MDFIC: variants seen among roughly 807,000 people sequenced by gnomAD.
MDFIC encodes the protein MyoD family inhibitor domain containing.
MDFIC carries 17 observed loss-of-function variants against 23.2 expected under a neutral mutation model. The ratio of observed to expected loss-of-function variants is 0.73; its 90% CI spans 0.50 to 1.10. The LOEUF (loss-of-function observed/expected upper bound fraction) is 1.10. MDFIC is among the 50% of genes least tolerant of loss of function. The pLI is 0.00. For missense variants in MDFIC, 356 were observed against 316.6 expected, an observed-to-expected ratio of 1.12 and a Z score of -0.95; for synonymous variants, 120 against 115.2, an observed-to-expected ratio of 1.04 and a Z score of -0.27.
intron 2 of MDFIC, among the ~76,000 whole-genome samples, chr7:114,924,134 CA>C (rs1792144058): frequency 6.6e-6 from 1 of 152,176 alleles, no homozygotes; most frequent in Non-Finnish European, 1.5e-5. Flanking sequence ...TTACATTTAT[CA>C]TTATTTTTTG....
intron 4 of MDFIC, among the ~76,000 whole-genome samples, chr7:114,993,136 T>C (rs71418264): frequency 6.6e-6 from 1 of 152,166 alleles, no homozygotes; most frequent in African/African-American, 2.4e-5. Flanking sequence ...AGTTTATTTG[T>C]GTAGAGGTGT....
At chr7:114,993,315 T>C (rs1397353098) in intron 4 of MDFIC, among the ~76,000 whole-genome samples, 4 of 152,194 alleles carry the variant, frequency 2.6e-5, no homozygotes, top group African/African-American at 7.2e-5. Context: ...CCTGGATTCA[T>C]TGATTTTTTG....
At chr7:114,983,010 C>G (rs2115979854) in intron 4 of MDFIC, among the ~76,000 whole-genome samples, 1 of 152,312 alleles carries the variant, frequency 6.6e-6, no homozygotes, top group Admixed American at 6.5e-5. Context: ...GAAGGACTTA[C>G]CTCTTAATAT....
Position 115,012,382 on chromosome 7 carries a change from G to A in MDFIC, c.494-3306G>A, listed in dbSNP as rs116348047. ...AGGCAAAATAAAACCACCATGAGAC[G>A]CCATTTCACACACAACTTGCACATG... On this transcript the variant is annotated intron_variant, in intron 4 of 4. Coordinates refer to ENST00000393486, the MANE Select transcript of MDFIC (RefSeq NM_001166345.3). Among the ~76,000 whole-genome samples, 729 of 152,232 alleles carry A rather than the reference G, an allele frequency of 4.8e-3. 8 individuals are homozygous for A. Among genetic ancestry groups the A allele is most frequent in the African/African-American group, 0.015 (626 of 41,550 alleles).
chr7:114,949,269 G>T (rs943228386), intron 3 of MDFIC, among the ~76,000 whole-genome samples: 13 of 152,176 alleles, frequency 8.5e-5, no homozygotes, highest in African/African-American at 2.9e-4. Context: ...GCATTAAAGT[G>T]TAAGTAGTGG....
rs1000658531 is a variant in MDFIC at position 115,019,897 on chromosome 7, C to T, written c.*3962C>T. Among the ~76,000 whole-genome samples the T allele has an allele frequency of 6.6e-6, 1 of 152,068 alleles. No individual in the cohort carries two copies. The highest frequency in any genetic ancestry group is 2.1e-4 in the South Asian group (1 of 4,828). ...AACCCTTCATCTTCGTATGCTTATA[C>T]AATAAATTGCAGTGAGTGTTTTCTT... On this transcript the variant is annotated 3_prime_UTR_variant, in exon 5 of 5. Transcript: ENST00000393486.
At chr7:114,963,000 A>T (rs529138024) in intron 3 of MDFIC, among the ~76,000 whole-genome samples, 1 of 152,314 alleles carries the variant, frequency 6.6e-6, no homozygotes, top group African/African-American at 2.4e-5. Context: ...AAAATTTCTG[A>T]AAGTGTTTTC....
At chr7:114,947,235 T>G (rs1279199231) in intron 3 of MDFIC, among the ~76,000 whole-genome samples, 1 of 152,192 alleles carries the variant, frequency 6.6e-6, no homozygotes, top group Non-Finnish European at 1.5e-5. Flanking sequence ...TAATATTTCA[T>G]GCTCATTCAT....
intron 2 of MDFIC, chr7:114,923,449 T>A: frequency 6.5e-7 from 1 of 1,537,584 alleles, no homozygotes; most frequent in Non-Finnish European, 8.7e-7. Flanking sequence ...CTGAAGCGCT[T>A]CTCCTCTAGG....
intron 4 of MDFIC, among the ~76,000 whole-genome samples, chr7:114,999,408 G>T: frequency 6.6e-6 from 1 of 151,418 alleles, no homozygotes. Context: ...ATACATACTT[G>T]TTTAGCTATT....
chr7:114,932,872 T>C (rs890514333), intron 2 of MDFIC, among the ~76,000 whole-genome samples: 7 of 152,196 alleles, frequency 4.6e-5, no homozygotes, highest in African/African-American at 1.7e-4. Context: ...AGAATTCAAT[T>C]TCAGTATACT....
intron 3 of MDFIC, among the ~76,000 whole-genome samples, chr7:114,955,620 A>T (rs148271821): frequency 6.6e-6 from 1 of 152,192 alleles, no homozygotes; most frequent in African/African-American, 2.4e-5. Context: ...CCCCAAATAC[A>T]TTTATGTTAA....
At chr7:114,958,129 A>C (rs1282580782) in intron 3 of MDFIC, among the ~76,000 whole-genome samples, 2 of 152,232 alleles carry the variant, frequency 1.3e-5, no homozygotes, top group Non-Finnish European at 1.5e-5. Flanking sequence ...ATTAAGTAAA[A>C]GTGAAGAAAC....
chr7:114,957,327 C>T (rs924244580), intron 3 of MDFIC, among the ~76,000 whole-genome samples: 2 of 151,986 alleles, frequency 1.3e-5, no homozygotes, highest in African/African-American at 4.8e-5. Flanking sequence ...CACTCTGTTC[C>T]TGAATTGGAG....
At position 114,980,016 on chromosome 7, in the gene MDFIC, T is replaced by C. The variant is rs1793390938; in HGVS notation, c.493+235T>C. 7.2e-6 allele frequency: 4 copies of C among 555,910 alleles called. No individual in the cohort carries two copies. In the Admixed American group the frequency reaches 1.2e-4, roughly 17 times the overall value. The allele number at this position is 555,910 out of a possible 1,614,324, so 34.4% of individuals were successfully genotyped here. A position where few individuals can be genotyped will look rare whatever the true frequency, so the allele number is the denominator to read the frequency against. On this transcript the variant is annotated intron_variant, in intron 4 of 4. Coordinates refer to ENST00000393486, the MANE Select transcript of MDFIC (RefSeq NM_001166345.3). ...CTTCTAGAGTGAATAGTCATTACTTTAAATATAACTGCTATACTTCTTTTT... is the reference window on the plus strand; with the variant it reads ...CTTCTAGAGTGAATAGTCATTACTTCAAATATAACTGCTATACTTCTTTTT...
chr7:114,956,006 C>T (rs1021443044), intron 3 of MDFIC, among the ~76,000 whole-genome samples: 1 of 152,098 alleles, frequency 6.6e-6, no homozygotes, highest in African/African-American at 2.4e-5. Context: ...TCAGCATACA[C>T]CCTTAACCCT....
chr7:114,972,771 A>G (rs1390560919), intron 3 of MDFIC, among the ~76,000 whole-genome samples: 2 of 152,046 alleles, frequency 1.3e-5, no homozygotes, highest in Non-Finnish European at 2.9e-5. Context: ...GGCATGTGCC[A>G]TCACACCTGG....
chr7:114,969,218 T>C (rs573568353), intron 3 of MDFIC, among the ~76,000 whole-genome samples: 50 of 152,356 alleles, frequency 3.3e-4, no homozygotes, highest in Non-Finnish European at 6.2e-4. Context: ...ATATTATGCT[T>C]TTACAGCAAT....
intron 4 of MDFIC, among the ~76,000 whole-genome samples, chr7:115,000,530 A>G (rs1271493870): frequency 6.6e-6 from 1 of 152,224 alleles, no homozygotes; most frequent in Non-Finnish European, 1.5e-5. Flanking sequence ...CTTTATAGTA[A>G]AAGTAATTTA....
Sources: allele counts gnomAD v4.1 joint callset (sites outside exome capture counted in the v4.1 genomes callset), GRCh38; gene constraint gnomAD v4.1.1; transcripts MANE v1.5; gene names NCBI Gene and HGNC (gene_info 2026-07-23, HGNC 2026-07-21).